Variants in RAB30 observed in about 807,000 individuals in gnomAD.
The protein encoded by RAB30 is RAB30, member RAS oncogene family.
A neutral mutation model predicts 25.1 loss-of-function variants in RAB30; 9 were observed. The ratio of observed to expected loss-of-function variants is 0.36; its 90% confidence interval spans 0.22 to 0.63. The LOEUF (loss-of-function observed/expected upper bound fraction) is 0.63. Among genes scored for constraint, RAB30 ranks in the 20% least tolerant of loss-of-function variants. RAB30 has a pLI of 0.69. For missense variants in RAB30, 140 were observed against 243.5 expected, an observed-to-expected ratio of 0.58 and a Z score of 2.83; for synonymous variants, 77 against 86.4, an observed-to-expected ratio of 0.89 and a Z score of 0.60.
At chr11:83,050,755 G>GA (rs35209291) in intron 1 of RAB30, among the ~76,000 whole-genome samples, 7,953 of 152,038 alleles carry the variant, frequency 0.052, 297 homozygotes, top group East Asian at 0.11. Flanking sequence ...AGTGTATTAG[G>GA]AACCTCATTT....
chr11:83,021,291 C>T (rs895180114), intron 1 of RAB30, among the ~76,000 whole-genome samples: 1 of 152,216 alleles, frequency 6.6e-6, no homozygotes, highest in Admixed American at 6.5e-5. Context: ...GTCCCTTGCT[C>T]ACCAGGTTAT....
chr11:83,068,963 A>G (rs1858769071), intron 1 of RAB30, among the ~76,000 whole-genome samples: 1 of 152,196 alleles, frequency 6.6e-6, no homozygotes, highest in African/African-American at 2.4e-5. Context: ...CAGGGAAAGC[A>G]TTTGTTTTCA....
rs576930527 is a variant in RAB30 at position 82,984,686 on chromosome 11, A to C, written c.362-2271T>G. ...GCTCTGTCCACTGAAAGGCCTAAAA[A>C]CAATGGCCCATCAGGAGGGCTCCTA... On this transcript the variant is annotated intron_variant, in intron 4 of 4. Transcript: ENST00000527633. Among the ~76,000 whole-genome samples the C allele has an allele frequency of 5.3e-5, 8 of 152,290 alleles. No homozygotes were observed. The South Asian group carries it at 1.7e-3, about 32-fold the overall frequency.
chr11:83,065,402 G>C (rs1321824636), intron 1 of RAB30, among the ~76,000 whole-genome samples: 2 of 151,756 alleles, frequency 1.3e-5, no homozygotes, highest in East Asian at 3.9e-4. Context: ...AAGAGAGAAA[G>C]GAAAGAGAGA....
At chr11:83,025,866 AG>A (rs1434314465) in intron 1 of RAB30, among the ~76,000 whole-genome samples, 2 of 152,038 alleles carry the variant, frequency 1.3e-5, no homozygotes, top group Non-Finnish European at 2.9e-5. Context: ...ACATAGGTAT[AG>A]ATAAACAGAT....
chr11:82,994,189 C>A, intron 2 of RAB30, 67 bp from the exon 3 acceptor site: 3 of 1,330,358 alleles, frequency 2.3e-6, no homozygotes, highest in Non-Finnish European at 3.2e-6. Context: ...TTTCTCCTCT[C>A]CCCCAGCAAC....
intron 1 of RAB30, among the ~76,000 whole-genome samples, chr11:83,031,518 T>C (rs933194629): frequency 1.5e-4 from 20 of 135,108 alleles, no homozygotes; most frequent in African/African-American, 5.9e-4. Context: ...TGGTTCTGCG[T>C]ATTCTTTTTT....
chr11:83,041,257 T>C, intron 1 of RAB30: 1 of 172,926 alleles, frequency 5.8e-6, no homozygotes, highest in Non-Finnish European at 1.3e-5. Flanking sequence ...GATGTGGATC[T>C]TCTGGTGACC....
intron 1 of RAB30, chr11:83,034,192 C>T (rs887927461): frequency 6.6e-6 from 1 of 152,284 alleles, no homozygotes; most frequent in African/African-American, 2.4e-5. Context: ...CTCTCGTCCT[C>T]AGGGGCACTG....
chr11:83,014,831 G>GGGAAA (rs139534420), intron 1 of RAB30, among the ~76,000 whole-genome samples: 5 of 150,634 alleles, frequency 3.3e-5, no homozygotes, highest in East Asian at 3.9e-4. Context: ...GAAGAGAGAA[G>GGGAAA]GGAAAGGAAA....
chr11:83,055,239 G>A (rs1403843054), intron 1 of RAB30, among the ~76,000 whole-genome samples: 1 of 152,250 alleles, frequency 6.6e-6, no homozygotes, highest in South Asian at 2.1e-4. Context: ...CTGGCACTAT[G>A]TAAATGTTTA....
intron 1 of RAB30, 26 bp from the exon 2 acceptor site, chr11:82,997,350 GA>G (rs757378946): frequency 1.3e-6 from 2 of 1,501,266 alleles, no homozygotes; most frequent in South Asian, 2.3e-5. Flanking sequence ...AGGCAAAAGT[GA>G]GAAAGGCCCA....
Position 82,977,175 on chromosome 11 carries a change from T to A in RAB30, c.*4990A>T, listed in dbSNP as rs1240217273. ...GCAAGTGATAAATGAATATACTTCA[T>A]GTAACTTCTACTAAAACAATACCTT... is the stretch of plus-strand genomic sequence containing the variant. On this transcript the variant is annotated 3_prime_UTR_variant, in exon 5 of 5. Coordinates refer to ENST00000527633, the MANE Select transcript of RAB30 (RefSeq NM_001286060.2). 6.6e-6 allele frequency: 1 copy of A among 152,242 alleles called. No individual in the cohort carries two copies. 9.4% of individuals were successfully genotyped at this position (152,242 alleles called of 1,614,324 possible). A position where few individuals can be genotyped will look rare whatever the true frequency, so the allele number is the denominator to read the frequency against.
intron 3 of RAB30, among the ~76,000 whole-genome samples, chr11:82,993,801 G>A (rs1474359191): frequency 6.6e-6 from 1 of 152,154 alleles, no homozygotes; most frequent in Non-Finnish European, 1.5e-5. Context: ...CATGACAGGA[G>A]ACAGGACAAA....
At chr11:83,021,018 T>C (rs1012864784) in intron 1 of RAB30, among the ~76,000 whole-genome samples, 3 of 152,092 alleles carry the variant, frequency 2.0e-5, no homozygotes, top group Non-Finnish European at 4.4e-5. Context: ...AACTGAACAC[T>C]TGTTGGGACA....
chr11:83,028,355 G>A (rs1460713789), intron 1 of RAB30, among the ~76,000 whole-genome samples: 1 of 152,146 alleles, frequency 6.6e-6, no homozygotes, highest in African/African-American at 2.4e-5. Context: ...TCCAGTACAG[G>A]AGGGGTCCTA....
At chr11:82,998,168 A>G (rs547317011) in intron 1 of RAB30, among the ~76,000 whole-genome samples, 79 of 152,300 alleles carry the variant, frequency 5.2e-4, no homozygotes, top group African/African-American at 1.8e-3. Flanking sequence ...GGATGGGATT[A>G]TGCCTGTCAG....
chr11:83,028,192 C>T (rs1857770170), intron 1 of RAB30, among the ~76,000 whole-genome samples: 1 of 152,028 alleles, frequency 6.6e-6, no homozygotes, highest in African/African-American at 2.4e-5. Context: ...ACATAGAGAA[C>T]AAAAAGAGCT....
At chr11:83,045,013 G>A (rs1858205096) in intron 1 of RAB30, among the ~76,000 whole-genome samples, 1 of 152,056 alleles carries the variant, frequency 6.6e-6, no homozygotes, top group Non-Finnish European at 1.5e-5. Flanking sequence ...AAAATGTTCA[G>A]GGGCACTGTA....
Sources: gnomAD v4.1 joint callset for allele counts (sites outside exome capture counted in the v4.1 genomes callset) on GRCh38, gnomAD v4.1.1 for gene constraint, MANE v1.5 for transcripts, NCBI Gene and HGNC (gene_info 2026-07-23, HGNC 2026-07-21) for gene names.